COL25A1: variants seen among roughly 807,000 people sequenced by gnomAD.
COL25A1 encodes the protein collagen alpha-1(XXV) chain.
A neutral mutation model predicts 128.4 loss-of-function variants in COL25A1; 103 were observed. The observed-to-expected ratio is 0.80, with a 90% CI of 0.68 to 0.94. The LOEUF is 0.94. Among genes scored for constraint, COL25A1 ranks in the 40% least tolerant of loss-of-function variants. COL25A1 has a pLI of 0.00. For synonymous variants in COL25A1, 279 were observed against 277.2 expected (o/e 1.01, Z -0.06); for missense variants, 745 against 840.0 (o/e 0.89, Z 1.40).
intron 3 of COL25A1, among the ~76,000 whole-genome samples, chr4:109,254,089 G>GAA (rs536937780): frequency 8.7e-5 from 6 of 68,574 alleles, no homozygotes; most frequent in Admixed American, 1.5e-4. Context: ...TCCGTCTCAA[G>GAA]AAAAAAAAAA....
chr4:109,274,280 T>C (rs757561905), intron 3 of COL25A1, among the ~76,000 whole-genome samples: 2 of 152,180 alleles, frequency 1.3e-5, no homozygotes, highest in Non-Finnish European at 2.9e-5. Context: ...TAATTTTCTG[T>C]GTACAAATTA....
At chr4:109,097,198 G>A (rs1348005787) in intron 3 of COL25A1, among the ~76,000 whole-genome samples, 2 of 152,206 alleles carry the variant, frequency 1.3e-5, no homozygotes, top group African/African-American at 2.4e-5. Flanking sequence ...TAGCACGACT[G>A]ACTCCGTTTT....
At chr4:109,202,404 C>CA (rs370075670) in intron 3 of COL25A1, among the ~76,000 whole-genome samples, 1,650 of 136,392 alleles carry the variant, frequency 0.012, 19 homozygotes, top group African/African-American at 0.027. Flanking sequence ...TATCCATATG[C>CA]AAAAAAAAAA....
At chr4:108,921,532 T>C (rs1397869067) in intron 11 of COL25A1, among the ~76,000 whole-genome samples, 1 of 152,248 alleles carries the variant, frequency 6.6e-6, no homozygotes, top group East Asian at 1.9e-4. Flanking sequence ...ATTTAACTAA[T>C]GACCAGCCTA....
chr4:109,016,554 A>G (rs1172618138), intron 5 of COL25A1, among the ~76,000 whole-genome samples: 28 of 152,240 alleles, frequency 1.8e-4, no homozygotes. Flanking sequence ...CCATGGATCA[A>G]TCAGCACACA....
intron 16 of COL25A1, among the ~76,000 whole-genome samples, chr4:108,891,514 T>A (rs1046314104): frequency 6.6e-5 from 10 of 152,162 alleles, no homozygotes; most frequent in Non-Finnish European, 1.5e-4. Context: ...TTGCAATATT[T>A]TATACAATAA....
chr4:108,862,303 A>C (rs1465687784), intron 22 of COL25A1, among the ~76,000 whole-genome samples, 198 bp downstream of exon 22: 1 of 152,226 alleles, frequency 6.6e-6, no homozygotes, highest in African/African-American at 2.4e-5. Context: ...ACTATTCAAA[A>C]ACAAGCAAGA....
rs1560826620 is a variant in COL25A1, at chr4:108,899,147, T to C, written c.861+7A>G. ...GGAGAGAGAAATACAGGCAGAATCA[T>C]TCTTACCTTTTCACCTTGTTCTCCA... On this transcript the variant is annotated splice_region_variant and intron_variant, in intron 15 of 37. Coordinates refer to ENST00000399132, the MANE Select transcript of COL25A1 (RefSeq NM_198721.4). 1 of 1,609,390 alleles carries C rather than the reference T, an allele frequency of 6.2e-7. No individual in the cohort carries two copies. Among genetic ancestry groups the C allele is most frequent in the Non-Finnish European group, 8.5e-7 (1 of 1,177,734 alleles).
At chr4:109,213,406 T>C (rs1489949970) in intron 3 of COL25A1, among the ~76,000 whole-genome samples, 1 of 152,184 alleles carries the variant, frequency 6.6e-6, no homozygotes, top group Non-Finnish European at 1.5e-5. Context: ...GCACAAGAGA[T>C]GCTGAACCAG....
chr4:109,251,555 C>A (rs534690418), intron 3 of COL25A1, among the ~76,000 whole-genome samples: 171 of 152,310 alleles, frequency 1.1e-3, no homozygotes, highest in African/African-American at 4.0e-3. Flanking sequence ...TCACCACTGC[C>A]AGCACAGTAA....
At chr4:109,113,939 T>C (rs1161649392) in intron 3 of COL25A1, among the ~76,000 whole-genome samples, 1 of 151,944 alleles carries the variant, frequency 6.6e-6, no homozygotes, top group African/African-American at 2.4e-5. Context: ...AAAAAACAAA[T>C]CTTAAAGAAT....
rs570089090 is a variant in COL25A1 at position 109,280,626 on chromosome 4, T to C, written c.367+19957A>G. ...GATTATAGTATTGTGGTTATATCTT[T>C]AGATAATTCATGCTGAAATACTTGT... On this transcript the variant is annotated intron_variant, in intron 3 of 37. Transcript: ENST00000399132. 2.0e-5 allele frequency among the ~76,000 whole-genome samples: 3 copies of C among 152,206 alleles called. No individual in the cohort carries two copies. The South Asian group carries it at 6.2e-4, about 32-fold the overall frequency.
intron 3 of COL25A1, among the ~76,000 whole-genome samples, chr4:109,283,794 C>G (rs750764907): frequency 1.3e-5 from 2 of 152,200 alleles, no homozygotes; most frequent in Non-Finnish European, 1.5e-5. Context: ...AGCCCTACTT[C>G]TGAAAGTTGA....
chr4:109,047,401 C>T (rs575649416), intron 5 of COL25A1, among the ~76,000 whole-genome samples: 1 of 152,056 alleles, frequency 6.6e-6, no homozygotes, highest in African/African-American at 2.4e-5. Flanking sequence ...ATCATATGTT[C>T]TCACTCATAA....
Position 109,247,590 on chromosome 4 carries a change from T to C in COL25A1, c.367+52993A>G, listed in dbSNP as rs192665068. The stretch of plus-strand genomic sequence containing the variant: ...TTAAAACCAATGAATGTTAGAATCA[T>C]AGGAAAGGAAGACCTGGAAGAAGTT... On this transcript the variant is annotated intron_variant, in intron 3 of 37. Transcript: ENST00000399132. 1.3e-3 allele frequency among the ~76,000 whole-genome samples: 203 copies of C among 152,164 alleles called. 2 individuals carry two copies. The highest frequency in any genetic ancestry group is 2.8e-4 in the Non-Finnish European group (19 of 68,006).
At chr4:109,172,888 G>A (rs927341106) in intron 3 of COL25A1, among the ~76,000 whole-genome samples, 8 of 152,086 alleles carry the variant, frequency 5.3e-5, no homozygotes, top group Non-Finnish European at 8.8e-5. Context: ...TAACATGACT[G>A]GCTGGTCAAC....
At chr4:109,176,552 A>G (rs1277969345) in intron 3 of COL25A1, among the ~76,000 whole-genome samples, 1 of 152,188 alleles carries the variant, frequency 6.6e-6, no homozygotes, top group Non-Finnish European at 1.5e-5. Context: ...CAAGAAAAAG[A>G]GTAGAGTGCT....
chr4:109,294,903 A>T (rs1291144016), intron 3 of COL25A1, among the ~76,000 whole-genome samples: 1 of 151,986 alleles, frequency 6.6e-6, no homozygotes, highest in East Asian at 1.9e-4. Flanking sequence ...CATTCACCTA[A>T]TCCTGTTAGT....
intron 3 of COL25A1, among the ~76,000 whole-genome samples, chr4:109,094,933 C>T (rs1765265550): frequency 6.6e-6 from 1 of 152,208 alleles, no homozygotes; most frequent in Non-Finnish European, 1.5e-5. Context: ...ATATACTAAT[C>T]ATGCATTTGA....
Sources: gnomAD v4.1 joint callset for allele counts (sites outside exome capture counted in the v4.1 genomes callset) on GRCh38, gnomAD v4.1.1 for gene constraint, MANE v1.5 for transcripts, NCBI Gene and HGNC (gene_info 2026-07-23, HGNC 2026-07-21) for gene names.